Variants in SEMA5A observed in about 807,000 individuals in gnomAD.
SEMA5A encodes semaphorin 5A, also known as semaphorin-5A.
Under a neutral mutation model 135.5 loss-of-function variants are expected in SEMA5A, and 55 were observed. That is an observed-to-expected ratio of 0.41 (90% confidence interval 0.33 to 0.51). The LOEUF is 0.51. SEMA5A is among the 20% of genes least tolerant of loss of function. SEMA5A has a pLI of 0.37. For missense variants in SEMA5A, 1,290 were observed against 1,419.9 expected (o/e 0.91, Z 1.47); for synonymous variants, 580 against 546.5 (o/e 1.06, Z -0.85).
At chr5:9,128,475 T>G (rs1201467991) in intron 13 of SEMA5A, among the ~76,000 whole-genome samples, 2 of 152,186 alleles carry the variant, frequency 1.3e-5, no homozygotes, top group Non-Finnish European at 2.9e-5. Flanking sequence ...GCAATCCTAC[T>G]GCCATCTTGT....
intron 11 of SEMA5A, among the ~76,000 whole-genome samples, chr5:9,172,153 A>G (rs1283350183): frequency 2.6e-5 from 4 of 152,190 alleles, no homozygotes; most frequent in African/African-American, 9.7e-5. Flanking sequence ...CAGGTGAGTC[A>G]CTGCAGGTCA....
chr5:9,274,647 C>T (rs564236060), intron 5 of SEMA5A, among the ~76,000 whole-genome samples: 75 of 152,266 alleles, frequency 4.9e-4, no homozygotes, highest in South Asian at 8.3e-4. Flanking sequence ...GACCACAGTG[C>T]AATCAAATTA....
chr5:9,335,296 T>G (rs1396927855), intron 4 of SEMA5A, among the ~76,000 whole-genome samples: 1 of 152,182 alleles, frequency 6.6e-6, no homozygotes, highest in East Asian at 1.9e-4. Context: ...GACTCTGGGA[T>G]GAAGACCTCC....
At chr5:9,456,610 A>G (rs1001017866) in intron 1 of SEMA5A, among the ~76,000 whole-genome samples, 1 of 152,162 alleles carries the variant, frequency 6.6e-6, no homozygotes, top group Non-Finnish European at 1.5e-5. Flanking sequence ...ATGCAGCCTA[A>G]CTGGACCCCA....
intron 13 of SEMA5A, among the ~76,000 whole-genome samples, chr5:9,124,440 A>C (rs2150190349): frequency 6.6e-6 from 1 of 152,240 alleles, no homozygotes; most frequent in African/African-American, 2.4e-5. Flanking sequence ...AGAAGGCCTA[A>C]GTCTAAGCCT....
At chr5:9,255,404 C>T (rs1014309898) in intron 5 of SEMA5A, among the ~76,000 whole-genome samples, 1 of 152,174 alleles carries the variant, frequency 6.6e-6, no homozygotes, top group Non-Finnish European at 1.5e-5. Flanking sequence ...TGTGAAATAG[C>T]TTTGTTGAGC....
At chr5:9,295,319 T>G (rs978826413) in intron 5 of SEMA5A, among the ~76,000 whole-genome samples, 3 of 152,216 alleles carry the variant, frequency 2.0e-5, no homozygotes, top group African/African-American at 4.8e-5. Context: ...AACTGCCTTT[T>G]GTAATGCTGA....
intron 5 of SEMA5A, among the ~76,000 whole-genome samples, chr5:9,301,647 C>T (rs1751615677): frequency 6.6e-6 from 1 of 152,122 alleles, no homozygotes; most frequent in Non-Finnish European, 1.5e-5. Context: ...AGAAATTGGT[C>T]TTGCAGCTCT....
chr5:9,179,091 T>C (rs965000993), intron 11 of SEMA5A, among the ~76,000 whole-genome samples: 2 of 152,118 alleles, frequency 1.3e-5, no homozygotes, highest in African/African-American at 4.8e-5. Flanking sequence ...TATAATACCA[T>C]CATCTCAAAA....
intron 11 of SEMA5A, among the ~76,000 whole-genome samples, chr5:9,161,686 G>C (rs1743264356): frequency 2.6e-5 from 4 of 152,200 alleles, no homozygotes; most frequent in African/African-American, 9.6e-5. Context: ...CTGCTCTGGA[G>C]AGCCAGGTAC....
Position 9,499,889 on chromosome 5 carries a change from C to T in SEMA5A, c.-175+45695G>A, listed in dbSNP as rs1735492844. On this transcript the variant is annotated intron_variant, in intron 1 of 22. Coordinates refer to ENST00000382496, the MANE Select transcript of SEMA5A (RefSeq NM_003966.3). ...CATAGAGTAATATAGCAAGAAGAAA[C>T]CGAAATAAGAAGGCTTGGGGAAAAA... Among the ~76,000 whole-genome samples, 3 of 151,784 alleles carry T rather than the reference C, an allele frequency of 2.0e-5. 1 individual carries two copies. The highest frequency in any genetic ancestry group is 2.0e-4 in the Admixed American group (3 of 15,230).
At chr5:9,521,861 G>A (rs957136675) in intron 1 of SEMA5A, among the ~76,000 whole-genome samples, 5 of 152,148 alleles carry the variant, frequency 3.3e-5, no homozygotes, top group Admixed American at 6.5e-5. Context: ...AGGTGACCTA[G>A]ACACCTTACA....
intron 8 of SEMA5A, 69 bp from the exon 9 acceptor site, chr5:9,202,309 A>G (rs984730173): frequency 2.4e-5 from 36 of 1,514,600 alleles, no homozygotes; most frequent in Non-Finnish European, 3.0e-5. Flanking sequence ...TTGCCTGCTC[A>G]GTATTTCATC....
intron 3 of SEMA5A, among the ~76,000 whole-genome samples, chr5:9,374,106 A>G (rs1320691185): frequency 1.3e-5 from 2 of 152,244 alleles, no homozygotes; most frequent in African/African-American, 2.4e-5. Context: ...GTAATGGGTC[A>G]GGGTGTTTTA....
intron 2 of SEMA5A, among the ~76,000 whole-genome samples, chr5:9,415,764 T>G (rs1757262543): frequency 6.6e-6 from 1 of 152,212 alleles, no homozygotes; most frequent in Admixed American, 6.5e-5. Context: ...ACCGTTGTAA[T>G]TCACTCACTG....
intron 3 of SEMA5A, among the ~76,000 whole-genome samples, chr5:9,357,329 A>C (rs187104210): frequency 7.2e-5 from 11 of 152,324 alleles, no homozygotes; most frequent in Admixed American, 5.2e-4. Context: ...AAAGGGGAAA[A>C]CTGCAGTGCA....
intron 1 of SEMA5A, among the ~76,000 whole-genome samples, chr5:9,493,562 T>C (rs527535186): frequency 7.9e-5 from 12 of 152,226 alleles, no homozygotes; most frequent in African/African-American, 2.4e-4. Flanking sequence ...CATGGGGCAA[T>C]GGAACTAAGA....
intron 4 of SEMA5A, among the ~76,000 whole-genome samples, chr5:9,326,995 G>T (rs532244407): frequency 1.3e-5 from 2 of 152,098 alleles, no homozygotes; most frequent in South Asian, 4.2e-4. Context: ...TATGCTGGTC[G>T]ACTCTAAGTA....
intron 5 of SEMA5A, among the ~76,000 whole-genome samples, chr5:9,268,458 G>T (rs1749794343): frequency 6.6e-6 from 1 of 152,132 alleles, no homozygotes; most frequent in African/African-American, 2.4e-5. Context: ...CCCAGGGAAG[G>T]AAATGTAAAG....
Sources: allele counts gnomAD v4.1 joint callset (sites outside exome capture counted in the v4.1 genomes callset), GRCh38; gene constraint gnomAD v4.1.1; transcripts MANE v1.5; gene names NCBI Gene and HGNC (gene_info 2026-07-23, HGNC 2026-07-21).